Variants in CREBBP observed in about 807,000 individuals in gnomAD.
CREBBP encodes the protein CREB-binding protein.
A neutral mutation model predicts 265.0 loss-of-function variants in CREBBP; 19 were observed. The observed-to-expected ratio is 0.07, with a 90% CI of 0.05 to 0.11. The LOEUF is 0.11. Among genes scored for constraint, CREBBP ranks in the 10% least tolerant of loss-of-function variants. The pLI is 1.00. For missense variants in CREBBP, 2,525 were observed against 3,219.0 expected (o/e 0.78, Z 5.22); for synonymous variants, 1,457 against 1,223.7 (o/e 1.19, Z -3.98).
At chr16:3,879,702 G>C in intron 1 of CREBBP, 130 bp downstream of exon 1, 1 of 996,594 alleles carries the variant, frequency 1.0e-6, no homozygotes, top group East Asian at 2.6e-5. Flanking sequence ...GGGGCGAGGG[G>C]AACGGGCTGC....
At chr16:3,847,326 A>C (rs927556933) in intron 2 of CREBBP, among the ~76,000 whole-genome samples, 14 of 152,086 alleles carry the variant, frequency 9.2e-5, no homozygotes, top group African/African-American at 3.4e-4. Context: ...ATCGTTCTTA[A>C]AACAAAATTA....
In CREBBP at chr16:3,769,318, G is replaced by A. The variant is rs2052941458; in HGVS notation, c.2916C>T (p.Val972=). 6.2e-7 allele frequency: 1 copy of A among 1,614,168 alleles called. No homozygotes were observed. The highest frequency in any genetic ancestry group is 8.5e-7 in the Non-Finnish European group (1 of 1,180,036). Residue 972 remains valine (V), a synonymous_variant, in exon 15 of 31, where the codon GTC becomes GTT. Transcript: ENST00000262367. ...CGCTGGCCACCGAGGAGGGGGTAGG[G>A]ACTCTGTTATCAATGCTGGCTGCTG... The part of the protein sequence containing the change: ...SQAAASIDNR[V]PTPSSVASAE...
Position 3,726,652 on chromosome 16 carries a change from T to G in CREBBP, c.*1066A>C, listed in dbSNP as rs1019297532. ...GGATCTTAAAGAACAGAATACATGT[T>G]AAAAACCTCAGTAATTTATATCAAT... On this transcript the variant is annotated 3_prime_UTR_variant, in exon 31 of 31. Transcript: ENST00000262367. 5 of 233,576 alleles carry G rather than the reference T, an allele frequency of 2.1e-5. No homozygotes were observed. Among genetic ancestry groups the G allele is most frequent in the African/African-American group, 4.4e-5 (2 of 45,354 alleles). 14.5% of individuals were successfully genotyped at this position (233,576 alleles called of 1,614,324 possible). A position where few individuals can be genotyped will look rare whatever the true frequency, so the allele number is the denominator to read the frequency against.
At chr16:3,746,054 A>C (rs2052334632) in intron 21 of CREBBP, among the ~76,000 whole-genome samples, 1 of 152,192 alleles carries the variant, frequency 6.6e-6, no homozygotes, top group South Asian at 2.1e-4. Context: ...CAACCCAGGA[A>C]TCTTAAATGC....
At chr16:3,801,373 T>C (rs2053709047) in intron 3 of CREBBP, among the ~76,000 whole-genome samples, 2 of 152,128 alleles carry the variant, frequency 1.3e-5, no homozygotes. Context: ...TTTTCTCCTA[T>C]TAAAGGACAG....
rs2151303320 is a variant in CREBBP at position 3,728,501 on chromosome 16, C to T, written c.6546G>A (p.Met2182Ile). 6.2e-7 allele frequency: 1 copy of T among 1,614,036 alleles called. No individual in the cohort carries two copies. The highest frequency in any genetic ancestry group is 2.2e-5 in the East Asian group (1 of 44,862). ...CTCGGTACTGTGGATTCATACTCGC[C>T]ATGTTGGGGTTGTGTCCTGGGTTCA... ...NIMNPGHNPN[M>I]ASMNPQYREM... is the part of the protein sequence containing the mutation. The change falls in exon 31 of 31, where the codon ATG (methionine) becomes ATA (isoleucine). Residue 2182 changes from methionine to isoleucine, a missense_variant. Physicochemically the swap from Met to Ile is conservative, Grantham distance 10. This residue lies in a region of CREBBP where 473 missense variants were observed against 459.3 expected (regional missense o/e 1.03). Transcript: ENST00000262367. The surrounding 1 kb of genome is among the most constrained non-coding windows in gnomAD (Gnocchi z 8.7).
chr16:3,802,032 T>C (rs530663402), intron 3 of CREBBP, among the ~76,000 whole-genome samples: 2 of 151,730 alleles, frequency 1.3e-5, no homozygotes, highest in African/African-American at 4.8e-5. Context: ...ATTACATAAT[T>C]GGCAGCCTCA....
At chr16:3,845,314 C>A (rs995568521) in intron 2 of CREBBP, among the ~76,000 whole-genome samples, 2 of 152,084 alleles carry the variant, frequency 1.3e-5, no homozygotes, top group East Asian at 3.9e-4. Context: ...CTAGTGAGGT[C>A]ATATACTAAA....
intron 26 of CREBBP, among the ~76,000 whole-genome samples, chr16:3,737,459 T>TC (rs935092772): frequency 1.1e-4 from 17 of 151,636 alleles, no homozygotes; most frequent in African/African-American, 3.9e-4. Flanking sequence ...TTTTTTCTTT[T>TC]TTTTTTTTTG....
At chr16:3,875,538 C>G (rs1013035526) in intron 1 of CREBBP, among the ~76,000 whole-genome samples, 1 of 152,154 alleles carries the variant, frequency 6.6e-6, no homozygotes. Flanking sequence ...CTCCTGGCTG[C>G]CCCCACCACA....
chr16:3,749,727 T>C (rs1203671187), intron 20 of CREBBP, 44 bp from the exon 21 acceptor site: 5 of 1,325,608 alleles, frequency 3.8e-6, no homozygotes, highest in East Asian at 2.4e-5. Context: ...CTAAAATTTA[T>C]CTGTTGAGTA....
intron 3 of CREBBP, among the ~76,000 whole-genome samples, chr16:3,810,232 T>C (rs2053910753): frequency 6.6e-6 from 1 of 152,114 alleles, no homozygotes; most frequent in African/African-American, 2.4e-5. Flanking sequence ...CATCTGACGG[T>C]AATACAAATC....
At chr16:3,782,584 A>C (rs574480015) in intron 6 of CREBBP, 100 bp downstream of exon 6, 4 of 1,496,144 alleles carry the variant, frequency 2.7e-6, no homozygotes, top group Non-Finnish European at 3.6e-6. Context: ...ACCGTAGTAA[A>C]AAACACAAAA....
intron 8 of CREBBP, 46 bp downstream of exon 8, chr16:3,780,686 C>A (rs2141245046): frequency 6.2e-7 from 1 of 1,607,680 alleles, no homozygotes; most frequent in Non-Finnish European, 8.5e-7. Context: ...ATGGGCAACA[C>A]AGGAATAAAA....
intron 3 of CREBBP, among the ~76,000 whole-genome samples, chr16:3,803,294 C>A (rs1449405243): frequency 1.2e-5 from 1 of 81,366 alleles, no homozygotes; most frequent in Non-Finnish European, 2.1e-5. Context: ...ATCACGAGGT[C>A]AGGAGTTCAA....
chr16:3,844,584 C>T (rs928998041), intron 2 of CREBBP, among the ~76,000 whole-genome samples: 2 of 152,148 alleles, frequency 1.3e-5, no homozygotes, highest in Non-Finnish European at 2.9e-5. Flanking sequence ...AAATACACTT[C>T]CATTTAAGTA....
intron 23 of CREBBP, among the ~76,000 whole-genome samples, chr16:3,744,602 G>A (rs964512563): frequency 2.6e-5 from 4 of 152,188 alleles, no homozygotes; most frequent in Non-Finnish European, 4.4e-5. Context: ...CAGCAGCCCC[G>A]TGGCTGAGAT....
intron 2 of CREBBP, among the ~76,000 whole-genome samples, chr16:3,839,398 A>G (rs1383691418): frequency 6.6e-6 from 1 of 152,140 alleles, no homozygotes; most frequent in East Asian, 1.9e-4. Flanking sequence ...GAAATTCATA[A>G]GGCTGGGTGA....
chr16:3,808,549 G>A (rs1403448344), intron 3 of CREBBP, among the ~76,000 whole-genome samples: 1 of 152,248 alleles, frequency 6.6e-6, no homozygotes. Flanking sequence ...CCTCTTTGCA[G>A]TCCCGGGCAG....
Sources: allele counts gnomAD v4.1 joint callset (sites outside exome capture counted in the v4.1 genomes callset), GRCh38; gene constraint gnomAD v4.1.1; regional missense constraint gnomAD v4.1.1; non-coding constraint Gnocchi (gnomAD v3.1); transcripts MANE v1.5; gene names NCBI Gene and HGNC (gene_info 2026-07-23, HGNC 2026-07-21).